Variants in ZNF469 observed in about 807,000 individuals in gnomAD.
ZNF469 encodes the protein zinc finger protein 469.
Under a neutral mutation model 1.0 loss-of-function variants are expected in ZNF469, and 1 was observed. That is an observed-to-expected ratio of 1.00 (90% CI 0.35 to 4.73). The LOEUF is 4.73. Among genes scored for constraint, ZNF469 ranks in the 30% most tolerant of loss-of-function variants. The pLI is 0.16. For synonymous variants in ZNF469, 2,703 were observed against 2,363.4 expected, an observed-to-expected ratio of 1.14 and a Z score of -4.17; for missense variants, 6,100 against 5,356.3, an observed-to-expected ratio of 1.14 and a Z score of -4.33.
At chr16:88,413,359 T>C (rs1304927173) in intron 1 of ZNF469, among the ~76,000 whole-genome samples, 1 of 152,074 alleles carries the variant, frequency 6.6e-6, no homozygotes, top group Non-Finnish European at 1.5e-5. Context: ...CACCCACCTG[T>C]GGGCCCTGGA....
chr16:88,225,218 G>A, the ZNF469 span, among the ~76,000 whole-genome samples: 1 of 152,238 alleles, frequency 6.6e-6, no homozygotes, highest in Admixed American at 6.5e-5. Flanking sequence ...CTGTCTTTGA[G>A]TTTCCTCAAA....
chr16:88,348,581 T>TG, the ZNF469 span, among the ~76,000 whole-genome samples: 5 of 151,736 alleles, frequency 3.3e-5, 1 homozygote, highest in African/African-American at 9.7e-5. Context: ...GTACAGGGAG[T>TG]GGGGGTCCAA....
chr16:88,143,235 C>T, the ZNF469 span, among the ~76,000 whole-genome samples: 1 of 152,228 alleles, frequency 6.6e-6, no homozygotes, highest in African/African-American at 2.4e-5. Context: ...GCCTCAGTTT[C>T]CCCCTGTGTC....
chr16:88,200,126 CG>C, the ZNF469 span, among the ~76,000 whole-genome samples: 2 of 125,710 alleles, frequency 1.6e-5, no homozygotes, highest in South Asian at 2.4e-4. Flanking sequence ...CCGGCACGGC[CG>C]AAGAGAACAC....
the ZNF469 span, among the ~76,000 whole-genome samples, chr16:88,336,932 C>T: frequency 1.3e-5 from 2 of 152,212 alleles, no homozygotes; most frequent in South Asian, 2.1e-4. Flanking sequence ...TTCCTGTGAG[C>T]AGAATCATGC....
the ZNF469 span, among the ~76,000 whole-genome samples, chr16:88,289,886 A>G: frequency 6.6e-6 from 1 of 152,226 alleles, no homozygotes; most frequent in Non-Finnish European, 1.5e-5. Context: ...CCCTTGCAAC[A>G]TTGCCTAACC....
intron 1 of ZNF469, among the ~76,000 whole-genome samples, chr16:88,410,582 A>G (rs1905129637): frequency 6.7e-6 from 1 of 150,372 alleles, no homozygotes; most frequent in East Asian, 2.0e-4. Context: ...TTGATGGTGC[A>G]GGTCACGTGA....
the ZNF469 span, among the ~76,000 whole-genome samples, chr16:88,351,716 C>G: frequency 6.6e-6 from 1 of 152,160 alleles, no homozygotes; most frequent in Non-Finnish European, 1.5e-5. Flanking sequence ...GCAGCAGGCC[C>G]CAGCCGGAGC....
At chr16:88,397,938 C>A (rs1215673835) in intron 1 of ZNF469, among the ~76,000 whole-genome samples, 2 of 152,204 alleles carry the variant, frequency 1.3e-5, no homozygotes, top group Non-Finnish European at 2.9e-5. Flanking sequence ...AGGGGCCTGG[C>A]TCTCAGGTCC....
chr16:88,379,452 T>C (rs945980160), upstream of ZNF469, among the ~76,000 whole-genome samples: 1 of 151,940 alleles, frequency 6.6e-6, no homozygotes, highest in African/African-American at 2.4e-5. Context: ...GGCCCTCCTT[T>C]TCAGCTCTCT....
the ZNF469 span, among the ~76,000 whole-genome samples, chr16:88,277,588 G>A: frequency 6.8e-6 from 1 of 147,528 alleles, no homozygotes; most frequent in South Asian, 2.2e-4. Context: ...CACGGTTAGT[G>A]CTGCACCACG....
chr16:88,255,056 C>T, the ZNF469 span, among the ~76,000 whole-genome samples: 1 of 152,184 alleles, frequency 6.6e-6, no homozygotes, highest in Non-Finnish European at 1.5e-5. Context: ...ACAACTATGT[C>T]ATACATAGAC....
At chr16:88,256,136 A>G in the ZNF469 span, among the ~76,000 whole-genome samples, 1 of 152,180 alleles carries the variant, frequency 6.6e-6, no homozygotes, top group Non-Finnish European at 1.5e-5. Context: ...ATTTCTAACA[A>G]TATCTATCCA....
At chr16:88,251,950 G>T in the ZNF469 span, among the ~76,000 whole-genome samples, 9,555 of 150,562 alleles carry the variant, frequency 0.063, 360 homozygotes, top group Middle Eastern at 0.15. Context: ...GGCAGCCATG[G>T]ATCTGGGCTA....
the ZNF469 span, among the ~76,000 whole-genome samples, chr16:88,239,696 TATATATATATATATATATA>T: frequency 0.017 from 113 of 6,572 alleles, 3 homozygotes; most frequent in African/African-American, 0.025. Flanking sequence ...TATATATATA[TATATATATATATATATATA>T]TTTTTTTTTT....
chr16:88,312,368 C>G, the ZNF469 span, among the ~76,000 whole-genome samples: 3 of 152,246 alleles, frequency 2.0e-5, no homozygotes, highest in Non-Finnish European at 4.4e-5. Context: ...ACCAGCTTCT[C>G]AGGCCATTTG....
chr16:88,349,390 GCACACACACCAGGCACCACACACAC>G, the ZNF469 span, among the ~76,000 whole-genome samples: 1 of 148,882 alleles, frequency 6.7e-6, no homozygotes, highest in Admixed American at 6.7e-5. Flanking sequence ...ACACACAAGG[GCACACACACCAGGCACCACACACAC>G]CACACCCAAG....
intron 1 of ZNF469, among the ~76,000 whole-genome samples, chr16:88,416,260 C>T (rs1433409989): frequency 2.0e-5 from 3 of 152,138 alleles, no homozygotes; most frequent in Admixed American, 1.3e-4. Context: ...GGATGGGCTC[C>T]GTTCCCAAAA....
chr16:88,127,008 G>A, the ZNF469 span, among the ~76,000 whole-genome samples: 5 of 152,174 alleles, frequency 3.3e-5, no homozygotes, highest in South Asian at 2.1e-4. Context: ...TAGTAGAGAC[G>A]AGGTTTCATT....
Sources: allele counts gnomAD v4.1 joint callset (sites outside exome capture counted in the v4.1 genomes callset), GRCh38; gene constraint gnomAD v4.1.1; transcripts MANE v1.5; gene names NCBI Gene and HGNC (gene_info 2026-07-23, HGNC 2026-07-21).